The following REEP1 variants were observed in gnomAD, a reference collection of about 807,000 sequenced individuals.
REEP1 encodes receptor accessory protein 1, also known as receptor expression-enhancing protein 1.
REEP1 carries 22 observed loss-of-function variants against 40.3 expected under a neutral mutation model. The ratio of observed to expected loss-of-function variants is 0.55; its 90% CI spans 0.39 to 0.78. The LOEUF (loss-of-function observed/expected upper bound fraction) is 0.78, where lower values mean the gene tolerates loss of function less well. REEP1 is among the 30% of genes least tolerant of loss of function. The pLI, the probability that REEP1 is intolerant of heterozygous loss-of-function variation, is 0.00. For missense variants in REEP1, 280 were observed against 361.1 expected (o/e 0.78, Z 1.82); for synonymous variants, 116 against 139.2 (o/e 0.83, Z 1.17).
At chr2:86,218,179 C>A (rs1385082957) in intron 8 of REEP1, among the ~76,000 whole-genome samples, 1 of 152,170 alleles carries the variant, frequency 6.6e-6, no homozygotes, top group Non-Finnish European at 1.5e-5. Context: ...GGAGCCCCTC[C>A]TGCCACTGCC....
intron 2 of REEP1, among the ~76,000 whole-genome samples, chr2:86,273,282 CT>C (rs1191260583): frequency 0.058 from 8,088 of 138,700 alleles, 622 homozygotes; most frequent in African/African-American, 0.19. Flanking sequence ...TGGCCCCTAC[CT>C]TTTTTTTTTT....
intron 1 of REEP1, among the ~76,000 whole-genome samples, chr2:86,312,999 GCTT>G (rs1300013212): frequency 6.6e-6 from 1 of 151,948 alleles, no homozygotes; most frequent in Admixed American, 6.6e-5. Context: ...TTCTTCTTCT[GCTT>G]TTTTTTTCTT....
intron 1 of REEP1, among the ~76,000 whole-genome samples, chr2:86,323,868 A>T (rs1364723288): frequency 2.0e-5 from 3 of 152,194 alleles, no homozygotes; most frequent in African/African-American, 7.2e-5. Context: ...CATTATAGAA[A>T]CTCACTTTAT....
intron 2 of REEP1, among the ~76,000 whole-genome samples, chr2:86,266,446 C>T (rs1037605767): frequency 3.3e-5 from 5 of 149,558 alleles, no homozygotes; most frequent in Non-Finnish European, 4.4e-5. Context: ...GGTGAAACCC[C>T]GTCTCTACTA....
chr2:86,237,809 C>T (rs1675442192), intron 5 of REEP1, among the ~76,000 whole-genome samples: 5 of 152,240 alleles, frequency 3.3e-5, no homozygotes, highest in Middle Eastern at 3.4e-3. Flanking sequence ...TGTGAGCCAC[C>T]GTGCCCAGCT....
At chr2:86,253,284 C>T (rs1344473533) in intron 4 of REEP1, among the ~76,000 whole-genome samples, 1 of 151,992 alleles carries the variant, frequency 6.6e-6, no homozygotes, top group Non-Finnish European at 1.5e-5. Context: ...CCGCGCCCCC[C>T]ACCCCCCAAA....
intron 1 of REEP1, among the ~76,000 whole-genome samples, chr2:86,323,686 A>G (rs1236857677): frequency 2.0e-5 from 3 of 152,196 alleles, no homozygotes; most frequent in Non-Finnish European, 4.4e-5. Flanking sequence ...TGGTGCCAAA[A>G]AGGCTGGGGA....
At chr2:86,305,334 T>G (rs1473658854) in intron 1 of REEP1, among the ~76,000 whole-genome samples, 1 of 152,196 alleles carries the variant, frequency 6.6e-6, no homozygotes, top group Admixed American at 6.5e-5. Flanking sequence ...GCCCCAGCCC[T>G]CTGCCTTTCT....
chr2:86,232,673 C>T lies in REEP1; in HGVS notation c.547G>A (p.Gly183Ser), dbSNP rs768890728. The T allele has an allele frequency of 7.8e-5, 126 of 1,612,482 alleles. No individual in the cohort carries two copies. The highest frequency in any genetic ancestry group is 1.6e-4 in the Middle Eastern group (1 of 6,080). Residue 183 changes from glycine to serine, a missense_variant, in exon 6 of 9, where the codon GGC becomes AGC. Coordinates refer to ENST00000538924, the MANE Select transcript of REEP1 (RefSeq NM_001371279.1). The stretch of plus-strand genomic sequence containing the variant: ...GCACTCCTGGACATCTTAGGCTGGC[C>T]GTGTTTGCCGCTGGCCCGCCCAGAC... ...PGSGRASGKHGQPKMSRSASE... is the reference protein window; with the variant it reads ...PGSGRASGKHSQPKMSRSASE...
At chr2:86,311,488 G>A (rs1679762270) in intron 1 of REEP1, among the ~76,000 whole-genome samples, 1 of 152,042 alleles carries the variant, frequency 6.6e-6, no homozygotes, top group African/African-American at 2.4e-5. Context: ...GAGGATCTAG[G>A]GGAGGATTTT....
intron 7 of REEP1, among the ~76,000 whole-genome samples, chr2:86,221,484 G>A (rs1674423849): frequency 6.6e-6 from 1 of 152,082 alleles, no homozygotes; most frequent in East Asian, 1.9e-4. Context: ...GTCCTAATCA[G>A]CTGCATCCTG....
chr2:86,316,389 CA>C (rs1235166643), intron 1 of REEP1, among the ~76,000 whole-genome samples: 3 of 146,814 alleles, frequency 2.0e-5, no homozygotes, highest in African/African-American at 5.0e-5. Flanking sequence ...AAATACAAAA[CA>C]AAAAAAAATT....
At chr2:86,287,206 G>A (rs766171465) in intron 1 of REEP1, among the ~76,000 whole-genome samples, 7 of 152,010 alleles carry the variant, frequency 4.6e-5, no homozygotes, top group Non-Finnish European at 1.0e-4. Flanking sequence ...CTCCTGCTCG[G>A]CCTCCTGAGT....
intron 7 of REEP1, among the ~76,000 whole-genome samples, chr2:86,220,730 G>A (rs1200595865): frequency 6.6e-6 from 1 of 150,802 alleles, no homozygotes; most frequent in African/African-American, 2.4e-5. Context: ...CGAAGGCCCA[G>A]TCCTAGAGAA....
At chr2:86,234,124 C>A (rs886920102) in intron 5 of REEP1, among the ~76,000 whole-genome samples, 2 of 151,584 alleles carry the variant, frequency 1.3e-5, no homozygotes, top group Admixed American at 6.6e-5. Flanking sequence ...CACAGCAATT[C>A]GCTGAAGTGA....
In REEP1 at chr2:86,227,089, G is replaced by A. The variant is rs535468770; in HGVS notation, c.631+274C>T. 1.5e-4 allele frequency among the ~76,000 whole-genome samples: 23 copies of A among 152,306 alleles called. No individual in the cohort carries two copies. In the South Asian group the frequency reaches 1.9e-3, roughly 12 times the overall value. ...TCTTGAAAGTGGACCCTCCAGTTTCGTCAAGCCCTCCGATAACTCAGCCCA... is the reference window on the plus strand; with the variant it reads ...TCTTGAAAGTGGACCCTCCAGTTTCATCAAGCCCTCCGATAACTCAGCCCA... On this transcript the variant is annotated intron_variant, in intron 7 of 8. Coordinates refer to ENST00000538924, the MANE Select transcript of REEP1 (RefSeq NM_001371279.1).
chr2:86,331,164 A>G (rs1680744630), intron 1 of REEP1, among the ~76,000 whole-genome samples: 3 of 152,154 alleles, frequency 2.0e-5, no homozygotes, highest in Non-Finnish European at 1.5e-5. Context: ...CAGGGGCTTT[A>G]GATGCCTCAG....
chr2:86,223,413 A>C (rs1674525945), intron 7 of REEP1: 1 of 152,460 alleles, frequency 6.6e-6, no homozygotes, highest in Admixed American at 6.5e-5. Context: ...AACATCCCAC[A>C]CAGCACACAT....
chr2:86,335,570 G>A (rs1231894668), intron 1 of REEP1, among the ~76,000 whole-genome samples: 2 of 152,150 alleles, frequency 1.3e-5, no homozygotes, highest in African/African-American at 4.8e-5. Flanking sequence ...AGGGGGAGGA[G>A]CCGGGCGTGG....
Sources: allele counts gnomAD v4.1 joint callset (sites outside exome capture counted in the v4.1 genomes callset), GRCh38; gene constraint gnomAD v4.1.1; transcripts MANE v1.5; gene names NCBI Gene and HGNC (gene_info 2026-07-23, HGNC 2026-07-21).